The following TBC1D20 variants were observed in gnomAD, a reference collection of about 807,000 sequenced individuals.
The protein encoded by TBC1D20 is TBC1 domain family member 20.
Under a neutral mutation model 41.6 loss-of-function variants are expected in TBC1D20, and 12 were observed. The observed-to-expected ratio is 0.29, with a 90% confidence interval of 0.18 to 0.47. TBC1D20 has a LOEUF of 0.47. TBC1D20 is among the 20% of genes least tolerant of loss of function. TBC1D20 has a pLI of 1.00. For missense variants in TBC1D20, 421 were observed against 517.4 expected (o/e 0.81, Z 1.81); for synonymous variants, 205 against 204.8 (o/e 1.00, Z -0.01).
chr20:450,854 T>G (rs2017430268), intron 1 of TBC1D20: 1 of 152,226 alleles, frequency 6.6e-6, no homozygotes, highest in African/African-American at 2.4e-5. Flanking sequence ...TAACAGAGTA[T>G]TGCTTTTTGG....
In TBC1D20 at chr20:441,910, T is replaced by C; in HGVS notation, c.471A>G (p.Val157=). 3.1e-6 allele frequency: 5 copies of C among 1,614,156 alleles called. No homozygotes were observed. The highest frequency in any genetic ancestry group is 4.2e-6 in the Non-Finnish European group (5 of 1,180,022). The change falls in exon 4 of 8, where the codon GTA becomes GTG. Residue 157 remains valine (V), a synonymous_variant. Coordinates refer to ENST00000354200, the MANE Select transcript of TBC1D20 (RefSeq NM_144628.4). ...HDIVVTFLLV[V]GERLATSLVE... is the part of the protein sequence containing the mutation. Reference sequence around the variant, plus strand: ...CCAGGGATGTTGCCAGCCTCTCGCCTACCACCAGCAGAAATGTGACCACAA... The same window carrying C: ...CCAGGGATGTTGCCAGCCTCTCGCCCACCACCAGCAGAAATGTGACCACAA...
intron 1 of TBC1D20, among the ~76,000 whole-genome samples, chr20:458,640 T>C (rs769194675): frequency 3.3e-5 from 5 of 152,170 alleles, no homozygotes; most frequent in Admixed American, 6.5e-5. Context: ...ATCCTGCATT[T>C]CAAAATTTAC....
chr20:454,037 G>A (rs1218182618), intron 1 of TBC1D20, among the ~76,000 whole-genome samples: 1 of 148,584 alleles, frequency 6.7e-6, no homozygotes, highest in African/African-American at 2.5e-5. Flanking sequence ...TCAGGAGATC[G>A]AGACCATCTT....
Position 438,361 on chromosome 20 carries a change from G to T in TBC1D20, c.*225C>A. On this transcript the variant is annotated 3_prime_UTR_variant, in exon 8 of 8. Transcript: ENST00000354200. ...AGAGAGCCCATCCAAAAGCCCACTGGGAGAGGCATAAGATTCTGTGCCAGG... is the reference window on the plus strand; with the variant it reads ...AGAGAGCCCATCCAAAAGCCCACTGTGAGAGGCATAAGATTCTGTGCCAGG... 1.8e-6 allele frequency: 1 copy of T among 551,822 alleles called. No individual in the cohort carries two copies. Among genetic ancestry groups the T allele is most frequent in the Non-Finnish European group, 3.2e-6 (1 of 313,436 alleles). 34.2% of individuals were successfully genotyped at this position (551,822 alleles called of 1,614,324 possible).
intron 2 of TBC1D20, among the ~76,000 whole-genome samples, chr20:445,541 C>CT (rs5839858): frequency 0.13 from 19,571 of 152,168 alleles, 2,275 homozygotes; most frequent in African/African-American, 0.31. Flanking sequence ...GAAAAAAACC[C>CT]TAACGCCTAT....
chr20:459,541 T>C (rs942939631), intron 1 of TBC1D20, among the ~76,000 whole-genome samples: 1 of 152,228 alleles, frequency 6.6e-6, no homozygotes, highest in Non-Finnish European at 1.5e-5. Flanking sequence ...CTGCAAAATA[T>C]AAGACTGCTA....
chr20:454,174 C>T (rs1367309236), intron 1 of TBC1D20, among the ~76,000 whole-genome samples: 3 of 146,978 alleles, frequency 2.0e-5, no homozygotes, highest in African/African-American at 5.1e-5. Flanking sequence ...ACCTGGGAGG[C>T]GGAGCTTGCA....
intron 3 of TBC1D20, among the ~76,000 whole-genome samples, chr20:444,447 A>G (rs762613788): frequency 3.3e-5 from 5 of 152,226 alleles, no homozygotes; most frequent in Non-Finnish European, 5.9e-5. Flanking sequence ...TAGGTCATCC[A>G]TGTGAGGTTT....
intron 1 of TBC1D20, among the ~76,000 whole-genome samples, chr20:455,736 C>G (rs1038341535): frequency 4.0e-5 from 6 of 151,638 alleles, no homozygotes; most frequent in Non-Finnish European, 5.9e-5. Flanking sequence ...CGTTCGAGAC[C>G]AGCCTGACCA....
intron 2 of TBC1D20, 46 bp downstream of exon 2, chr20:447,842 CT>C (rs751056150): frequency 1.3e-5 from 19 of 1,497,694 alleles, no homozygotes; most frequent in Non-Finnish European, 6.3e-6. Flanking sequence ...TCTTTTCCCC[CT>C]GTCTCCTAGA....
chr20:458,223 G>A (rs1022493500), intron 1 of TBC1D20, among the ~76,000 whole-genome samples: 2 of 151,974 alleles, frequency 1.3e-5, no homozygotes, highest in African/African-American at 4.8e-5. Flanking sequence ...ATGAGGTTTT[G>A]GCAAACCATT....
At chr20:455,176 T>C (rs1002632668) in intron 1 of TBC1D20, among the ~76,000 whole-genome samples, 2 of 152,186 alleles carry the variant, frequency 1.3e-5, no homozygotes, top group African/African-American at 4.8e-5. Context: ...GGTAACCTAG[T>C]AGGGTGACCA....
Position 447,989 on chromosome 20 carries a change from G to A in TBC1D20, c.156C>T (p.Arg52=). 2 of 1,614,094 alleles carry A rather than the reference G, an allele frequency of 1.2e-6. No individual in the cohort carries two copies. Among genetic ancestry groups the A allele is most frequent in the Non-Finnish European group, 1.7e-6 (2 of 1,179,942 alleles). The change falls in exon 2 of 8, where the codon CGC becomes CGT. Residue 52 remains arginine, a synonymous_variant. Transcript: ENST00000354200. ...GGAGCCCTCCTTCACTGATAGCCAT[G>A]CGTCTAAGGGCAGCCACATCAGTGG... ...SDPTDVAALR[R]MAISEGGLLT...
At chr20:449,464 ATG>A (rs1568579481) in intron 1 of TBC1D20, among the ~76,000 whole-genome samples, 48 of 149,932 alleles carry the variant, frequency 3.2e-4, no homozygotes, top group African/African-American at 1.1e-3. Flanking sequence ...GCGTGGTGGC[ATG>A]CACCTGTAAT....
At position 457,685 on chromosome 20, in the gene TBC1D20, C is replaced by T. The variant is rs1418991395; in HGVS notation, c.70+4651G>A. Among the ~76,000 whole-genome samples, 2 of 152,182 alleles carry T rather than the reference C, an allele frequency of 1.3e-5. 1 individual carries two copies. On this transcript the variant is annotated intron_variant, in intron 1 of 7. Transcript: ENST00000354200. ...TGAAGTGCCAGGTAAAGGGAGAGAA[C>T]AGAAGCAGGTAGCACCGCAGTAAAA...
intron 1 of TBC1D20, among the ~76,000 whole-genome samples, chr20:454,733 G>A (rs922245718): frequency 2.6e-5 from 4 of 151,936 alleles, no homozygotes; most frequent in African/African-American, 9.7e-5. Flanking sequence ...GTGCAGTGAA[G>A]CAATCTTGGC....
chr20:455,287 CCA>C (rs2017520645), intron 1 of TBC1D20, among the ~76,000 whole-genome samples: 1 of 152,058 alleles, frequency 6.6e-6, no homozygotes, highest in African/African-American at 2.4e-5. Flanking sequence ...CAAATATGTC[CCA>C]GTTTGGAAGC....
chr20:458,926 C>T (rs1213314735), intron 1 of TBC1D20, among the ~76,000 whole-genome samples: 2 of 152,158 alleles, frequency 1.3e-5, no homozygotes, highest in Admixed American at 6.5e-5. Context: ...CCAACACCAC[C>T]CTCCTCAACC....
At chr20:457,083 T>C (rs1415289668) in intron 1 of TBC1D20, among the ~76,000 whole-genome samples, 5 of 151,728 alleles carry the variant, frequency 3.3e-5, no homozygotes, top group South Asian at 4.2e-4. Flanking sequence ...ATTACAGGCA[T>C]GCACCACCAT....
Sources: gnomAD v4.1 joint callset for allele counts (sites outside exome capture counted in the v4.1 genomes callset) on GRCh38, gnomAD v4.1.1 for gene constraint, MANE v1.5 for transcripts, NCBI Gene and HGNC (gene_info 2026-07-23, HGNC 2026-07-21) for gene names.